ATM: variants seen among roughly 807,000 people sequenced by gnomAD.
ATM encodes ATM serine/threonine kinase.
Under a neutral mutation model 387.0 loss-of-function variants are expected in ATM, and 308 were observed. The observed-to-expected ratio is 0.80, with a 90% confidence interval of 0.73 to 0.87. ATM has a LOEUF of 0.87. Among genes scored for constraint, ATM ranks in the 40% least tolerant of loss-of-function variants. ATM has a pLI of 0.00. For missense variants in ATM, 3,312 were observed against 3,560.9 expected (o/e 0.93, Z 1.78); for synonymous variants, 1,156 against 1,187.3 (o/e 0.97, Z 0.54).
intron 59 of ATM, among the ~76,000 whole-genome samples, chr11:108,353,380 C>A (rs1189708718): frequency 6.6e-6 from 1 of 152,168 alleles, no homozygotes; most frequent in Admixed American, 6.5e-5. Flanking sequence ...TAACTCCTGA[C>A]CTCAGGTGTC....
rs2136650659 is a variant in ATM, at chr11:108,334,949, C to T, written c.8011-20C>T. The T allele has an allele frequency of 6.2e-7, 1 of 1,606,072 alleles. No homozygotes were observed. The highest frequency in any genetic ancestry group is 8.5e-7 in the Non-Finnish European group (1 of 1,172,922). On this transcript the variant is annotated intron_variant, in intron 54 of 62. Coordinates refer to ENST00000675843, the MANE Select transcript of ATM (RefSeq NM_000051.4). ...ATAGTGTATCTGACCTATTATCAAT[C>T]ATGTTTATACTTTTATTAGGTGGAC... is the stretch of plus-strand genomic sequence containing the variant.
chr11:108,340,369 A>G (rs1435033017), intron 56 of ATM: 1 of 113,632 alleles, frequency 8.8e-6, no homozygotes, highest in Non-Finnish European at 2.0e-5. Context: ...GTAGATCTGT[A>G]AGATAATGTC....
At position 108,317,642 on chromosome 11, in the gene ATM, T is replaced by C. The variant is rs1444897350; in HGVS notation, c.6347+121T>C. On this transcript the variant is annotated intron_variant, in intron 43 of 62. Transcript: ENST00000675843. ...ATATATATATATATATATATATATA[T>C]ATATATATATACACACACACACACA... 4.3e-4 allele frequency: 73 copies of C among 171,002 alleles called. 3 individuals carry two copies. Among genetic ancestry groups the C allele is most frequent in the African/African-American group, 2.3e-3 (59 of 25,884 alleles). The allele number at this position is 171,002 out of a possible 1,614,324, so 10.6% of individuals were successfully genotyped here. A position where few individuals can be genotyped will look rare whatever the true frequency, so the allele number is the denominator to read the frequency against.
At chr11:108,227,534 TTC>T in intron 1 of ATM, 59 bp from the exon 2 acceptor site, 2 of 1,060,556 alleles carry the variant, frequency 1.9e-6, no homozygotes, top group Non-Finnish European at 2.9e-6. Context: ...TCACACCTCT[TTC>T]TCTCTATATA....
rs540777153 is a variant in ATM at position 108,276,885 on chromosome 11, C to T, written c.3285-2606C>T. ...AGGCAGTCTGTCCCTTAGCAGAGCTCGAGCGCTGTGCTGGGAGATCCGCTA... is the reference window on the plus strand; with the variant it reads ...AGGCAGTCTGTCCCTTAGCAGAGCTTGAGCGCTGTGCTGGGAGATCCGCTA... On this transcript the variant is annotated intron_variant, in intron 22 of 62. Transcript: ENST00000675843. 1.6e-4 allele frequency among the ~76,000 whole-genome samples: 25 copies of T among 152,172 alleles called. 1 individual carries two copies. The highest frequency in any genetic ancestry group is 3.1e-4 in the Non-Finnish European group (21 of 68,026).
At chr11:108,251,799 T>C (rs1345791060) in intron 10 of ATM, 38 bp from the exon 11 acceptor site, 1 of 1,606,778 alleles carries the variant, frequency 6.2e-7, no homozygotes, top group Admixed American at 1.7e-5. Context: ...GCCCCTCCAA[T>C]AGCTTGCTTT....
At chr11:108,317,650 T>TACACACACACACACAC (rs1261995220) in intron 43 of ATM, 129 bp downstream of exon 43, 7 of 130,250 alleles carry the variant, frequency 5.4e-5, no homozygotes, top group African/African-American at 3.2e-4. Flanking sequence ...TATATATATA[T>TACACACACACACACAC]ATACACACAC....
At position 108,347,342 on chromosome 11, in the gene ATM, C is replaced by G. The variant is rs2137083835; in HGVS notation, c.8648C>G (p.Ala2883Gly). ...VQNILINEQSAELVHIDLGVA... is the reference protein window; with the variant it reads ...VQNILINEQSGELVHIDLGVA... ...AATATCTTGATAAATGAGCAGTCAG[C>G]AGAACTTGTACATATAGATCTAGGT... is the stretch of plus-strand genomic sequence containing the variant. Residue 2883 changes from alanine (A) to glycine (G), a missense_variant, in exon 59 of 63, where the codon GCA (alanine) becomes GGA (glycine). By Grantham distance (60) the Ala-to-Gly change is moderately conservative. Transcript: ENST00000675843. 1 of 1,608,432 alleles carries G rather than the reference C, an allele frequency of 6.2e-7. No homozygotes were observed. The highest frequency in any genetic ancestry group is 8.5e-7 in the Non-Finnish European group (1 of 1,175,152).
At position 108,301,706 on chromosome 11, in the gene ATM, G is replaced by A. The variant is rs1060501571; in HGVS notation, c.5236G>A (p.Gly1746Arg). The A allele has an allele frequency of 2.5e-6, 4 of 1,613,678 alleles. No homozygotes were observed. Among genetic ancestry groups the A allele is most frequent in the Non-Finnish European group, 3.4e-6 (4 of 1,179,778 alleles). ...CLKNILATKT[G>R]HSFWEIYKMT... ...GAAAAACATTTTAGCCACAAAGACTGGACATAGTTTCTGGGAGATTTATAA... is the reference window on the plus strand; with the variant it reads ...GAAAAACATTTTAGCCACAAAGACTAGACATAGTTTCTGGGAGATTTATAA... The change falls in exon 35 of 63, where the codon GGA (glycine) becomes AGA (arginine). Residue 1746 changes from glycine (G) to arginine (R), a missense_variant. This residue lies in a region of ATM where 1,405 missense variants were observed against 1,604.4 expected (regional missense o/e 0.88). Coordinates refer to ENST00000675843, the MANE Select transcript of ATM (RefSeq NM_000051.4).
chr11:108,225,901 T>C (rs1213746522), intron 1 of ATM: 1 of 152,166 alleles, frequency 6.6e-6, no homozygotes. Flanking sequence ...TTCTGTGAGA[T>C]TGAATCGGGG....
intron 37 of ATM, among the ~76,000 whole-genome samples, chr11:108,306,318 G>T (rs1474717482): frequency 6.6e-6 from 1 of 151,960 alleles, no homozygotes; most frequent in African/African-American, 2.4e-5. Context: ...CCACTGAAAT[G>T]AAAATCCTAA....
chr11:108,329,118 C>T lies in ATM; in HGVS notation c.7187C>T (p.Thr2396Ile), dbSNP rs370559102. 2 of 1,614,036 alleles carry T rather than the reference C, an allele frequency of 1.2e-6. No homozygotes were observed. Among genetic ancestry groups the T allele is most frequent in the Non-Finnish European group, 1.7e-6 (2 of 1,179,970 alleles). ...CTCTCATTAGCCCGGTTTTCAGATA[C>T]TCAATACCAAAGAATTGAAAACTAC... ...AFLSLARFSD[T>I]QYQRIENYMK... Residue 2396 changes from threonine (T) to isoleucine (I), a missense_variant, in exon 49 of 63, where the codon ACT (threonine) becomes ATT (isoleucine). By Grantham distance (89) the Thr-to-Ile change is moderately conservative (BLOSUM62 -1). Transcript: ENST00000675843.
intron 16 of ATM, among the ~76,000 whole-genome samples, chr11:108,260,863 C>T (rs140298323): frequency 6.6e-6 from 1 of 152,160 alleles, no homozygotes; most frequent in East Asian, 1.9e-4. Context: ...CTTTCTGAGT[C>T]AAAGAAAGGG....
At position 108,315,993 on chromosome 11, in the gene ATM, C is replaced by G. The variant is rs1591778129; in HGVS notation, c.6096-18C>G. The G allele has an allele frequency of 6.2e-7, 1 of 1,613,058 alleles. No individual in the cohort carries two copies. The highest frequency in any genetic ancestry group is 2.2e-5 in the East Asian group (1 of 44,854). On this transcript the variant is annotated intron_variant, in intron 41 of 62. Transcript: ENST00000675843. ...TGTGTGTAAAACCCAAAGCTATTTT[C>G]ACAATCTTTTCTTATAGACTACGAA...
intron 16 of ATM, among the ~76,000 whole-genome samples, chr11:108,265,614 A>G (rs1446855968): frequency 8.5e-4 from 120 of 141,352 alleles, no homozygotes; most frequent in Admixed American, 1.1e-3. Context: ...AATGGCAACA[A>G]AAGACAGAAT....
chr11:108,310,072 C>CA, intron 38 of ATM, 88 bp from the exon 39 acceptor site: 7 of 1,386,704 alleles, frequency 5.0e-6, no homozygotes, highest in Non-Finnish European at 7.0e-6. Context: ...GTTAAGCAGT[C>CA]ACTACCATTG....
At chr11:108,295,175 G>A (rs1417733929) in intron 32 of ATM, 116 bp downstream of exon 32, 1 of 1,348,342 alleles carries the variant, frequency 7.4e-7, no homozygotes, top group Non-Finnish European at 1.1e-6. Context: ...TCATCATTTA[G>A]TTCAGACCCT....
At chr11:108,358,312 C>T (rs1262319873) in intron 61 of ATM, among the ~76,000 whole-genome samples, 1 of 142,622 alleles carries the variant, frequency 7.0e-6, no homozygotes, top group Non-Finnish European at 1.5e-5. Flanking sequence ...ACCAAATCTA[C>T]GTCTGATTGG....
Position 108,250,889 on chromosome 11 carries a change from C to T in ATM, c.1424C>T (p.Ser475Leu), listed in dbSNP as rs786203550. The T allele has an allele frequency of 6.2e-7, 1 of 1,614,084 alleles. No homozygotes were observed. Among genetic ancestry groups the T allele is most frequent in the Non-Finnish European group, 8.5e-7 (1 of 1,180,010 alleles). Reference protein sequence around the residue: ...CQDKRSNLESSQKSDLLKLWN... With the variant: ...CQDKRSNLESLQKSDLLKLWN... ...GACAAGAGGTCAAACCTAGAAAGCT[C>T]ACAAAAGTCAGATTTATTAAAACTC... Residue 475 changes from serine (S) to leucine (L), a missense_variant, in exon 10 of 63, where the codon TCA (serine) becomes TTA (leucine). By Grantham distance (145) the Ser-to-Leu change is moderately radical. This residue lies in a region of ATM where 1,791 missense variants were observed against 1,804.5 expected (regional missense o/e 0.99). Transcript: ENST00000675843.
Sources: gnomAD v4.1 joint callset for allele counts (sites outside exome capture counted in the v4.1 genomes callset) on GRCh38, gnomAD v4.1.1 for gene constraint, gnomAD v4.1.1 regional missense constraint, MANE v1.5 for transcripts, NCBI Gene and HGNC (gene_info 2026-07-23, HGNC 2026-07-21) for gene names.